LHFPL1: variants seen among roughly 807,000 people sequenced by gnomAD.
The protein encoded by LHFPL1 is LHFPL tetraspan subfamily member 1 protein.
Under a neutral mutation model 12.1 loss-of-function variants are expected in LHFPL1, and 4 were observed. The ratio of observed to expected loss-of-function variants is 0.33; its 90% CI spans 0.16 to 0.76. The LOEUF is 0.76. LHFPL1 is among the 30% of genes least tolerant of loss of function. LHFPL1 has a pLI of 0.61. For synonymous variants in LHFPL1, 52 were observed against 61.9 expected (o/e 0.84, Z 0.75); for missense variants, 141 against 174.1 (o/e 0.81, Z 1.07).
chrX:112,634,696 G>T (rs1481155029), intron 3 of LHFPL1, among the ~76,000 whole-genome samples: 1 of 111,438 alleles, frequency 9.0e-6, no homozygotes, highest in African/African-American at 3.3e-5. Context: ...TGGCTAGAAA[G>T]GCCCCAATAA....
intron 3 of LHFPL1, among the ~76,000 whole-genome samples, chrX:112,642,351 A>G (rs1381892465): frequency 9.9e-6 from 1 of 100,561 alleles, no homozygotes; most frequent in Non-Finnish European, 2.0e-5. Context: ...TCTCAACAAA[A>G]AATATTAAAA....
intron 3 of LHFPL1, among the ~76,000 whole-genome samples, chrX:112,650,664 C>T (rs1357762071): frequency 2.7e-5 from 3 of 111,399 alleles, no homozygotes; most frequent in Admixed American, 9.6e-5. Flanking sequence ...AGTTTCTGTA[C>T]AGAGAAGCAA....
At chrX:112,633,021 C>G (rs1038174650) in intron 3 of LHFPL1, among the ~76,000 whole-genome samples, 2 of 112,267 alleles carry the variant, frequency 1.8e-5, no homozygotes, top group Admixed American at 9.4e-5. Context: ...TCACCTCAAC[C>G]AGGTAGCCCT....
chrX:112,646,781 G>A (rs1340112068), intron 3 of LHFPL1, among the ~76,000 whole-genome samples: 1 of 110,796 alleles, frequency 9.0e-6, no homozygotes, highest in Non-Finnish European at 1.9e-5. Context: ...TGCATCACTA[G>A]GTACTTTCCA....
intron 3 of LHFPL1, among the ~76,000 whole-genome samples, chrX:112,643,378 C>CAAAAA (rs1164744066): frequency 1.5e-4 from 6 of 38,923 alleles, no homozygotes; most frequent in African/African-American, 1.8e-4. Flanking sequence ...GACTCCGTCT[C>CAAAAA]AAAAAAAAAA....
Position 112,660,723 on chromosome X carries a change from G to C in LHFPL1, c.385C>G (p.Leu129Val), listed in dbSNP as rs767720332. The C allele has an allele frequency of 1.7e-6, 2 of 1,176,138 alleles. No homozygotes were observed. The highest frequency in any genetic ancestry group is 2.3e-6 in the Non-Finnish European group (2 of 865,396). ...CMGAAQFVGG[L>V]LISSGCALYP... Reference sequence around the variant, plus strand: ...AAGGCACAGCCTGAGCTTATCAGCAGCCCTAGAAAGAAAGCATACACACAG... The same window carrying C: ...AAGGCACAGCCTGAGCTTATCAGCACCCCTAGAAAGAAAGCATACACACAG... The change falls in exon 3 of 4, where the codon CTG becomes GTG. Residue 129 changes from leucine to valine, a missense_variant and splice_region_variant. Leu to Val is a conservative substitution (Grantham distance 32). Coordinates refer to ENST00000371968, the MANE Select transcript of LHFPL1 (RefSeq NM_178175.4).
At chrX:112,662,818 G>A (rs1196507551) in intron 2 of LHFPL1, among the ~76,000 whole-genome samples, 3 of 111,789 alleles carry the variant, frequency 2.7e-5, no homozygotes, top group East Asian at 2.8e-4. Flanking sequence ...TCCAGAGTAC[G>A]CACATTGGGT....
intron 3 of LHFPL1, among the ~76,000 whole-genome samples, chrX:112,658,877 A>C (rs1931090630): frequency 8.9e-6 from 1 of 112,265 alleles, no homozygotes; most frequent in Admixed American, 9.4e-5. Context: ...CAATTCAAGT[A>C]TTCATCAAAT....
At chrX:112,664,133 A>T (rs7890691) in intron 2 of LHFPL1, among the ~76,000 whole-genome samples, 3,634 of 112,203 alleles carry the variant, frequency 0.032, 157 homozygotes, top group African/African-American at 0.11. Flanking sequence ...TGTAAATGGT[A>T]TGTAAATAGT....
intron 2 of LHFPL1, among the ~76,000 whole-genome samples, chrX:112,666,298 TA>T: frequency 9.0e-6 from 1 of 111,128 alleles, no homozygotes; most frequent in South Asian, 3.8e-4. Flanking sequence ...TTCCTTCACT[TA>T]CCACCCCCCC....
chrX:112,654,226 G>A (rs762137064), intron 3 of LHFPL1, among the ~76,000 whole-genome samples: 1 of 112,144 alleles, frequency 8.9e-6, no homozygotes, highest in South Asian at 3.7e-4. Context: ...CAACCTAAAT[G>A]TGCATAAAGA....
In LHFPL1 at chrX:112,631,303, G is replaced by A; in HGVS notation, c.*117C>T. The A allele has an allele frequency of 1.7e-6, 1 of 586,020 alleles. No homozygotes were observed. Among genetic ancestry groups the A allele is most frequent in the Admixed American group, 3.4e-5 (1 of 29,628 alleles). The allele number at this position is 586,020 out of a possible 1,213,427, so 48.3% of individuals were successfully genotyped here. A position where few individuals can be genotyped will look rare whatever the true frequency, so the allele number is the denominator to read the frequency against. On this transcript the variant is annotated 3_prime_UTR_variant, in exon 4 of 4. Coordinates refer to ENST00000371968, the MANE Select transcript of LHFPL1 (RefSeq NM_178175.4). The stretch of plus-strand genomic sequence containing the variant: ...AAATGAACGACAATTAGTTTAAAAA[G>A]CATGCAAACACTAGGCTATGCTAAT...
chrX:112,660,777 C>G, intron 2 of LHFPL1, 52 bp from the exon 3 acceptor site: 2 of 863,456 alleles, frequency 2.3e-6, no homozygotes, highest in South Asian at 2.1e-5. Context: ...CTTCTGTCAC[C>G]CCAACATTCC....
chrX:112,634,399 C>G (rs1434389769), intron 3 of LHFPL1, among the ~76,000 whole-genome samples: 1 of 111,431 alleles, frequency 9.0e-6, no homozygotes, highest in Non-Finnish European at 1.9e-5. Context: ...GCAGAGCAGA[C>G]AGGAGCCAGC....
At chrX:112,675,798 A>T (rs1237252646) in intron 1 of LHFPL1, among the ~76,000 whole-genome samples, 1 of 112,234 alleles carries the variant, frequency 8.9e-6, no homozygotes, top group Non-Finnish European at 1.9e-5. Context: ...ACAGCAGGTT[A>T]AGAATCACTG....
At chrX:112,642,850 T>C (rs1053646107) in intron 3 of LHFPL1, among the ~76,000 whole-genome samples, 14 of 111,021 alleles carry the variant, frequency 1.3e-4, no homozygotes, top group African/African-American at 4.3e-4. Context: ...ATGGGATGTA[T>C]AGAGTCTCAT....
chrX:112,633,441 C>G (rs973858608), intron 3 of LHFPL1, among the ~76,000 whole-genome samples: 1 of 112,437 alleles, frequency 8.9e-6, no homozygotes, highest in African/African-American at 3.2e-5. Flanking sequence ...TGCACGTGTA[C>G]GCATATACTT....
At chrX:112,653,652 G>T (rs1407402555) in intron 3 of LHFPL1, among the ~76,000 whole-genome samples, 3 of 111,695 alleles carry the variant, frequency 2.7e-5, no homozygotes, top group Non-Finnish European at 1.9e-5. Context: ...GCAGCATGAG[G>T]TCCTTCGATG....
At chrX:112,657,094 G>A (rs1276711249) in intron 3 of LHFPL1, among the ~76,000 whole-genome samples, 1 of 112,541 alleles carries the variant, frequency 8.9e-6, no homozygotes, top group African/African-American at 3.2e-5. Flanking sequence ...ACCATAGTAT[G>A]TTGGGGGACC....
Sources: allele counts gnomAD v4.1 joint callset (sites outside exome capture counted in the v4.1 genomes callset), GRCh38; gene constraint gnomAD v4.1.1; transcripts MANE v1.5; gene names NCBI Gene and HGNC (gene_info 2026-07-23, HGNC 2026-07-21).